The following TTC28 variants were observed in gnomAD, a reference collection of about 807,000 sequenced individuals.
TTC28 encodes tetratricopeptide repeat domain 28, also known as tetratricopeptide repeat protein 28.
A neutral mutation model predicts 198.0 loss-of-function variants in TTC28; 61 were observed. The observed-to-expected ratio is 0.31, with a 90% CI of 0.25 to 0.38. The LOEUF is 0.38. Ranked by LOEUF, TTC28 falls within the 10% of genes least tolerant of loss-of-function variation. The probability of loss-of-function intolerance (pLI) is 1.00; values close to 1 mark genes in which losing one functional copy is unlikely to be tolerated. For synonymous variants in TTC28, 1,171 were observed against 1,297.8 expected (o/e 0.90, Z 2.10); for missense variants, 2,678 against 3,164.0 (o/e 0.85, Z 3.69).
At chr22:28,504,067 C>T (rs188398125) in intron 2 of TTC28, among the ~76,000 whole-genome samples, 50 of 152,268 alleles carry the variant, frequency 3.3e-4, no homozygotes, top group African/African-American at 1.2e-3. Context: ...AGACTTTGAT[C>T]TTTAATATAA....
chr22:28,329,841 A>AC (rs1230540395), intron 2 of TTC28, among the ~76,000 whole-genome samples: 1 of 152,194 alleles, frequency 6.6e-6, no homozygotes, highest in African/African-American at 2.4e-5. Context: ...AAATTGAAAC[A>AC]GTTTCTTTCT....
intron 13 of TTC28, among the ~76,000 whole-genome samples, chr22:28,029,808 T>C (rs990500973): frequency 6.6e-6 from 1 of 152,056 alleles, no homozygotes; most frequent in Non-Finnish European, 1.5e-5. Context: ...GCATTCTCAC[T>C]CTCCCTGACC....
chr22:28,159,374 G>A (rs1356108757), intron 6 of TTC28, among the ~76,000 whole-genome samples: 1 of 152,022 alleles, frequency 6.6e-6, no homozygotes, highest in Admixed American at 6.6e-5. Context: ...TAGAGCTACC[G>A]GCCGGGCATG....
intron 2 of TTC28, among the ~76,000 whole-genome samples, chr22:28,579,903 G>C (rs1055086912): frequency 2.0e-5 from 3 of 152,036 alleles, no homozygotes; most frequent in Admixed American, 2.0e-4. Flanking sequence ...CCCGGAGACA[G>C]AAGTTGCGGT....
intron 2 of TTC28, among the ~76,000 whole-genome samples, chr22:28,422,774 T>A (rs1302971343): frequency 6.6e-6 from 1 of 152,162 alleles, no homozygotes; most frequent in Non-Finnish European, 1.5e-5. Flanking sequence ...CATACCTCTA[T>A]AAGAAGTTTA....
intron 13 of TTC28, among the ~76,000 whole-genome samples, chr22:28,015,689 G>A (rs986718074): frequency 6.6e-6 from 1 of 151,912 alleles, no homozygotes; most frequent in Non-Finnish European, 1.5e-5. Context: ...GCCTCCTAAA[G>A]TGTTGGGATT....
At chr22:28,187,347 A>T (rs1392532950) in intron 5 of TTC28, among the ~76,000 whole-genome samples, 3 of 152,238 alleles carry the variant, frequency 2.0e-5, no homozygotes, top group Non-Finnish European at 4.4e-5. Flanking sequence ...AATTTCATTT[A>T]AAAAACACAG....
At chr22:28,099,933 A>C (rs1275012344) in intron 9 of TTC28, among the ~76,000 whole-genome samples, 1 of 152,192 alleles carries the variant, frequency 6.6e-6, no homozygotes, top group Non-Finnish European at 1.5e-5. Flanking sequence ...CAAGCTCCTC[A>C]AGGAGCCATG....
At chr22:28,047,024 C>T (rs754286106) in intron 12 of TTC28, among the ~76,000 whole-genome samples, 7 of 152,134 alleles carry the variant, frequency 4.6e-5, no homozygotes, top group African/African-American at 4.8e-5. Context: ...TGGTCAGAGA[C>T]GGCCAGAGAG....
At chr22:28,545,110 G>A (rs771062898) in intron 2 of TTC28, among the ~76,000 whole-genome samples, 3 of 152,098 alleles carry the variant, frequency 2.0e-5, no homozygotes, top group Non-Finnish European at 4.4e-5. Flanking sequence ...GGTCTGGATG[G>A]GGACCCCTTT....
At chr22:28,117,884 G>T (rs1427043965) in intron 6 of TTC28, among the ~76,000 whole-genome samples, 1 of 152,050 alleles carries the variant, frequency 6.6e-6, no homozygotes, top group African/African-American at 2.4e-5. Context: ...AGCACAACAG[G>T]GTGACTGTAG....
chr22:28,071,542 T>G (rs1601587142), intron 12 of TTC28, among the ~76,000 whole-genome samples: 1 of 125,592 alleles, frequency 8.0e-6, no homozygotes. Flanking sequence ...TGAGATCACA[T>G]GGACACATGA....
At chr22:28,086,637 A>C (rs1941613417) in intron 12 of TTC28, among the ~76,000 whole-genome samples, 1 of 152,196 alleles carries the variant, frequency 6.6e-6, no homozygotes, top group African/African-American at 2.4e-5. Context: ...TTCAAAAGCT[A>C]GCAGAAGGCA....
chr22:28,243,174 CAAAAAAAAAAAAAAAAAAAAAAAAAAA>C (rs754700795), intron 5 of TTC28, among the ~76,000 whole-genome samples: 25 of 68,336 alleles, frequency 3.7e-4, no homozygotes, highest in African/African-American at 1.6e-3. Flanking sequence ...CCCCTCTCTA[CAAAAAAAAAAAAAAAAAAAAAAAAAAA>C]AAAAAAAAAA....
chr22:27,998,813 G>A lies in TTC28; in HGVS notation c.4846C>T (p.Leu1616=). Reference sequence around the variant, plus strand: ...CCAAGCACCACCAGCTTCACAGGCAGCTGCAGGTCCAGGACGTCGGCGGCA... The same window carrying A: ...CCAAGCACCACCAGCTTCACAGGCAACTGCAGGTCCAGGACGTCGGCGGCA... ...LTAADVLDLQ[L]PVKLVVLGSS... The change falls in exon 16 of 23, where the codon CTG becomes TTG. Residue 1616 remains leucine (L), a synonymous_variant. Transcript: ENST00000397906. The A allele has an allele frequency of 6.4e-7, 1 of 1,550,556 alleles. No homozygotes were observed. The highest frequency in any genetic ancestry group is 1.2e-5 in the South Asian group (1 of 84,070).
At chr22:28,063,480 G>C (rs906206867) in intron 12 of TTC28, among the ~76,000 whole-genome samples, 1 of 152,070 alleles carries the variant, frequency 6.6e-6, no homozygotes, top group East Asian at 1.9e-4. Flanking sequence ...TGTCCTTTAG[G>C]ACCTTGTGTT....
intron 2 of TTC28, among the ~76,000 whole-genome samples, chr22:28,446,430 TA>T (rs2047702141): frequency 6.6e-6 from 1 of 152,170 alleles, no homozygotes; most frequent in Non-Finnish European, 1.5e-5. Flanking sequence ...TGTTGAAATA[TA>T]ATCCCCAATG....
chr22:27,985,221 G>A (rs772759228), intron 22 of TTC28, 28 bp downstream of exon 22: 2 of 1,514,280 alleles, frequency 1.3e-6, no homozygotes, highest in South Asian at 1.2e-5. Flanking sequence ...GGCCCTGGTG[G>A]AGAACTGGTC....
intron 5 of TTC28, among the ~76,000 whole-genome samples, chr22:28,166,573 C>A (rs1394748370): frequency 3.3e-5 from 5 of 152,320 alleles, no homozygotes; most frequent in Non-Finnish European, 7.3e-5. Context: ...TGAATGACTA[C>A]TGGGTACATA....
Sources: allele counts gnomAD v4.1 joint callset (sites outside exome capture counted in the v4.1 genomes callset), GRCh38; gene constraint gnomAD v4.1.1; transcripts MANE v1.5; gene names NCBI Gene and HGNC (gene_info 2026-07-23, HGNC 2026-07-21).